PCDH15: variants seen among roughly 807,000 people sequenced by gnomAD.
PCDH15 encodes the protein protocadherin related 15.
PCDH15 carries 129 observed loss-of-function variants against 178.5 expected under a neutral mutation model. The observed-to-expected ratio is 0.72, with a 90% CI of 0.63 to 0.84. The LOEUF is 0.84. Ranked by LOEUF, PCDH15 falls within the 40% of genes least tolerant of loss-of-function variation. The pLI is 0.00. For missense variants in PCDH15, 2,230 were observed against 2,099.9 expected (o/e 1.06, Z -1.21); for synonymous variants, 800 against 732.0 (o/e 1.09, Z -1.50).
At chr10:54,542,216 TA>T (rs1354508545) in intron 2 of PCDH15, among the ~76,000 whole-genome samples, 3 of 152,220 alleles carry the variant, frequency 2.0e-5, no homozygotes, top group Non-Finnish European at 4.4e-5. Context: ...AAGACTGTGC[TA>T]ATATTTACCT....
At chr10:54,012,982 C>A (rs1199662262) in intron 20 of PCDH15, among the ~76,000 whole-genome samples, 2 of 151,862 alleles carry the variant, frequency 1.3e-5, no homozygotes, top group Non-Finnish European at 2.9e-5. Context: ...GATAAAGAAG[C>A]AAGGACCAAC....
chr10:54,722,663 AC>A, intron 1 of PCDH15, among the ~76,000 whole-genome samples: 1 of 151,662 alleles, frequency 6.6e-6, no homozygotes, highest in African/African-American at 2.4e-5. Flanking sequence ...CCCCCAGAAG[AC>A]CTCTCCACTT....
At chr10:54,215,930 C>CT (rs2051988786) in intron 9 of PCDH15, among the ~76,000 whole-genome samples, 1 of 147,150 alleles carries the variant, frequency 6.8e-6, no homozygotes, top group African/African-American at 2.5e-5. Flanking sequence ...GTAGTCCCAG[C>CT]TACTTGGGAG....
At chr10:54,958,425 A>G (rs1242358361) in intron 2 of PCDH15, among the ~76,000 whole-genome samples, 2 of 151,892 alleles carry the variant, frequency 1.3e-5, no homozygotes, top group African/African-American at 4.8e-5. Flanking sequence ...CTTTGAGAAG[A>G]GGAAAAAGAA....
intron 2 of PCDH15, among the ~76,000 whole-genome samples, chr10:55,110,576 T>C (rs1837476234): frequency 6.6e-6 from 1 of 151,970 alleles, no homozygotes; most frequent in Admixed American, 6.6e-5. Flanking sequence ...CTGAGAGTTC[T>C]AGAGTAATTG....
intron 1 of PCDH15, among the ~76,000 whole-genome samples, chr10:54,772,156 T>C (rs932993728): frequency 3.9e-5 from 6 of 152,130 alleles, no homozygotes; most frequent in African/African-American, 1.2e-4. Context: ...AAATGAAACA[T>C]ACATATTTTT....
intron 2 of PCDH15, among the ~76,000 whole-genome samples, chr10:55,008,699 G>A (rs1159607102): frequency 1.3e-5 from 2 of 152,012 alleles, no homozygotes; most frequent in African/African-American, 4.8e-5. Context: ...AAGACAGGCA[G>A]GCCTCCAATT....
At chr10:54,628,884 C>T (rs940535274) in intron 2 of PCDH15, among the ~76,000 whole-genome samples, 2 of 151,920 alleles carry the variant, frequency 1.3e-5, no homozygotes, top group African/African-American at 2.4e-5. Context: ...CCTTTGCTTT[C>T]GTTAGGAATG....
At chr10:54,350,398 T>G (rs148551230) in intron 5 of PCDH15, among the ~76,000 whole-genome samples, 2 of 152,304 alleles carry the variant, frequency 1.3e-5, no homozygotes, top group African/African-American at 4.8e-5. Context: ...ACTACTAGAT[T>G]GTGCAAGCAT....
intron 1 of PCDH15, among the ~76,000 whole-genome samples, chr10:55,172,821 CT>C (rs1401727984): frequency 2.0e-5 from 3 of 151,772 alleles, no homozygotes; most frequent in African/African-American, 7.3e-5. Context: ...ATATATATAT[CT>C]ATTACATATG....
intron 18 of PCDH15, among the ~76,000 whole-genome samples, chr10:54,051,044 A>G (rs530429761): frequency 2.0e-5 from 3 of 152,264 alleles, no homozygotes; most frequent in African/African-American, 7.2e-5. Flanking sequence ...CCCTTCCACC[A>G]TGATCGTAAG....
chr10:55,417,865 C>A (rs1838522849), intron 2 of PCDH15, among the ~76,000 whole-genome samples: 1 of 150,876 alleles, frequency 6.6e-6, no homozygotes, highest in Non-Finnish European at 1.5e-5. Flanking sequence ...TGTTTAAATG[C>A]ATCTTATTGT....
intron 18 of PCDH15, among the ~76,000 whole-genome samples, chr10:54,065,387 C>T (rs540223639): frequency 2.6e-4 from 39 of 152,144 alleles, no homozygotes; most frequent in African/African-American, 8.7e-4. Context: ...CTCACTTTCT[C>T]ACTTCCTTAT....
At chr10:55,448,993 A>G (rs1009378489) in intron 2 of PCDH15, among the ~76,000 whole-genome samples, 1 of 152,012 alleles carries the variant, frequency 6.6e-6, no homozygotes, top group East Asian at 1.9e-4. Context: ...TAAATCTCAT[A>G]CTTTATATTT....
At chr10:53,931,516 G>A (rs2610839) in intron 25 of PCDH15, among the ~76,000 whole-genome samples, 3 of 152,020 alleles carry the variant, frequency 2.0e-5, no homozygotes, top group African/African-American at 2.4e-5. Context: ...AACTTCTGTC[G>A]TTGCGCAGAC....
intron 2 of PCDH15, among the ~76,000 whole-genome samples, chr10:55,352,945 A>T (rs1243059939): frequency 6.6e-6 from 1 of 152,132 alleles, no homozygotes; most frequent in Non-Finnish European, 1.5e-5. Flanking sequence ...AATCTATGAG[A>T]TGCACCAAAA....
chr10:54,411,738 A>C (rs1953550631), intron 3 of PCDH15, among the ~76,000 whole-genome samples: 1 of 152,138 alleles, frequency 6.6e-6, no homozygotes, highest in Non-Finnish European at 1.5e-5. Flanking sequence ...CCTCAATTAC[A>C]GGGGCTATGT....
At chr10:54,737,350 A>G (rs1333707809) in intron 1 of PCDH15, among the ~76,000 whole-genome samples, 1 of 152,120 alleles carries the variant, frequency 6.6e-6, no homozygotes, top group Admixed American at 6.6e-5. Flanking sequence ...ATCACCCACT[A>G]TACTACAAAA....
chr10:54,464,040 C>T (rs1215801390), intron 3 of PCDH15, among the ~76,000 whole-genome samples: 1 of 151,806 alleles, frequency 6.6e-6, no homozygotes, highest in Non-Finnish European at 1.5e-5. Context: ...GGGTTTGTGG[C>T]GGTTTAGGAA....
Sources: allele counts gnomAD v4.1 joint callset (sites outside exome capture counted in the v4.1 genomes callset), GRCh38; gene constraint gnomAD v4.1.1; transcripts MANE v1.5; gene names NCBI Gene and HGNC (gene_info 2026-07-23, HGNC 2026-07-21).